SERPINA3: variants seen among roughly 807,000 people sequenced by gnomAD.
The protein encoded by SERPINA3 is serpin family A member 3.
A neutral mutation model predicts 26.8 loss-of-function variants in SERPINA3; 32 were observed. That is an observed-to-expected ratio of 1.20 (90% CI 0.90 to 1.61). The LOEUF is 1.61. Ranked by LOEUF, SERPINA3 falls within the 40% of genes most tolerant of loss-of-function variation. The probability of loss-of-function intolerance (pLI) is 0.00; values close to 1 mark genes in which losing one functional copy is unlikely to be tolerated. For synonymous variants in SERPINA3, 252 were observed against 206.4 expected (o/e 1.22, Z -1.89); for missense variants, 632 against 517.9 (o/e 1.22, Z -2.14).
chr14:94,614,688 G>A lies in SERPINA3; in HGVS notation c.247G>A (p.Ala83Thr), dbSNP rs199923400. ...CTTCTCCCCACTGAGCATCTCCACC[G>A]CCTTGGCCTTCCTGTCTCTGGGGGC... is the stretch of plus-strand genomic sequence containing the variant. ...VIFSPLSIST[A>T]LAFLSLGAHN... is the part of the protein sequence containing the mutation. Residue 83 changes from alanine (A) to threonine (T), a missense_variant, in exon 2 of 5, where the codon GCC (alanine) becomes ACC (threonine). Transcript: ENST00000393078. 17 of 1,614,020 alleles carry A rather than the reference G, an allele frequency of 1.1e-5. No individual in the cohort carries two copies. The highest frequency in any genetic ancestry group is 3.3e-4 in the Middle Eastern group (2 of 6,062).
intron 2 of SERPINA3, 43 bp from the exon 3 acceptor site, chr14:94,619,152 C>A: frequency 1.2e-6 from 2 of 1,612,696 alleles, no homozygotes; most frequent in East Asian, 4.5e-5. Flanking sequence ...AGCAGGGCGA[C>A]CCTTGCACTC....
At position 94,623,555 on chromosome 14, in the gene SERPINA3, C is replaced by T. The variant is rs780570233; in HGVS notation, c.1069-56C>T. 55 of 1,521,602 alleles carry T rather than the reference C, an allele frequency of 3.6e-5. No individual in the cohort carries two copies. In the African/African-American group the frequency reaches 5.1e-4, roughly 14 times the overall value. The allele number at this position is 1,521,602 out of a possible 1,614,324, so 94.3% of individuals were successfully genotyped here. On this transcript the variant is annotated intron_variant, in intron 4 of 4. Transcript: ENST00000393078. The stretch of plus-strand genomic sequence containing the variant: ...ACCCCTTAGTGGCACACAGGCAGGT[C>T]GCTGAACTCCTGCGCATCTGTGTTT...
intron 2 of SERPINA3, among the ~76,000 whole-genome samples, chr14:94,616,095 C>A (rs554036842): frequency 6.6e-6 from 1 of 152,178 alleles, no homozygotes; most frequent in Admixed American, 6.5e-5. Context: ...CCACGCCTCA[C>A]GTGCCATTTG....
At chr14:94,620,117 C>T (rs1279391099) in intron 3 of SERPINA3, 2 of 354,552 alleles carry the variant, frequency 5.6e-6, no homozygotes, top group Non-Finnish European at 1.0e-5. Flanking sequence ...AAAACTGGAA[C>T]TCGTGTTAGT....
At position 94,623,644 on chromosome 14, in the gene SERPINA3, G is replaced by T; in HGVS notation, c.1102G>T (p.Glu368Ter). ...TAAGGCTGTGCTTGATGTATTTGAG[G>T]AGGGCACAGAAGCATCTGCTGCCAC... is the stretch of plus-strand genomic sequence containing the variant. ...VHKAVLDVFE[E>*]GTEASAATAV... The change falls in exon 5 of 5, where the codon GAG becomes TAG. Residue 368 changes from glutamate to a stop codon, truncating the protein, a stop_gained. Transcript: ENST00000393078. LOFTEE classifies it low-confidence loss of function (END_TRUNC). 6.2e-7 allele frequency: 1 copy of T among 1,614,144 alleles called. No homozygotes were observed.
rs769851864 is a variant in SERPINA3 at position 94,619,195 on chromosome 14, C to A, written c.644C>A (p.Ala215Asp). Residue 215 changes from alanine (A) to aspartate (D), a missense_variant and splice_region_variant, in exon 3 of 5, where the codon GCC becomes GAC. Ala to Asp is a moderately radical substitution (Grantham distance 126). Coordinates refer to ENST00000393078, the MANE Select transcript of SERPINA3 (RefSeq NM_001085.5). ...CTCCAACTGCTTGCTCCACCTTCAG[C>A]CAAATGGGAGATGCCCTTTGACCCC... ...MVLVNYIFFK[A>D]KWEMPFDPQD... 7.4e-6 allele frequency: 12 copies of A among 1,614,034 alleles called. No individual in the cohort carries two copies. The highest frequency in any genetic ancestry group is 5.3e-5 in the African/African-American group (4 of 74,920).
intron 2 of SERPINA3, chr14:94,615,407 G>C (rs2896288): frequency 4.1e-6 from 2 of 481,970 alleles, no homozygotes; most frequent in African/African-American, 2.0e-5. Context: ...TCCAGGGCGC[G>C]TAGGAGCTAG....
Position 94,619,427 on chromosome 14 carries a change from C to A in SERPINA3, c.876C>A (p.Leu292=), listed in dbSNP as rs375662885. 9 of 1,614,030 alleles carry A rather than the reference C, an allele frequency of 5.6e-6. No homozygotes were observed. In the African/African-American group the frequency reaches 1.2e-4, roughly 22 times the overall value. ...TGGAGGAAGTGGAAGCCATGCTGCT[C>A]CCAGAGACCCTGAAGCGGTGGAGAG... ...DKMEEVEAML[L]PETLKRWRDS... is the part of the protein sequence containing the mutation. Residue 292 remains leucine (L), a synonymous_variant, in exon 3 of 5, where the codon CTC becomes CTA. Coordinates refer to ENST00000393078, the MANE Select transcript of SERPINA3 (RefSeq NM_001085.5).
At chr14:94,617,555 C>G (rs543749998) in intron 2 of SERPINA3, 38 of 152,346 alleles carry the variant, frequency 2.5e-4, no homozygotes, top group Non-Finnish European at 2.2e-4. Flanking sequence ...GTTTAATTCT[C>G]GCAGCGGCTC....
At chr14:94,615,973 G>A (rs1885982591) in intron 2 of SERPINA3, among the ~76,000 whole-genome samples, 1 of 152,218 alleles carries the variant, frequency 6.6e-6, no homozygotes, top group African/African-American at 2.4e-5. Context: ...CTTGGAGGCA[G>A]AGTCCTGCTT....
At position 94,620,119 on chromosome 14, in the gene SERPINA3, C is replaced by T. The variant is rs116011473; in HGVS notation, c.917+651C>T. On this transcript the variant is annotated intron_variant, in intron 3 of 4. Coordinates refer to ENST00000393078, the MANE Select transcript of SERPINA3 (RefSeq NM_001085.5). ...TGAAAGGATCAGGAAAACTGGAACT[C>T]GTGTTAGTTTGTGATTTTAGATAGA... The T allele has an allele frequency of 9.8e-3, 3,475 of 355,950 alleles. 114 individuals are homozygous for T. Among genetic ancestry groups the T allele is most frequent in the African/African-American group, 0.066 (3,151 of 47,616 alleles). The allele number at this position is 355,950 out of a possible 1,614,324, so 22.0% of individuals were successfully genotyped here. A position where few individuals can be genotyped will look rare whatever the true frequency, so the allele number is the denominator to read the frequency against.
intron 1 of SERPINA3, among the ~76,000 whole-genome samples, chr14:94,613,017 C>T (rs1885842003): frequency 6.6e-6 from 1 of 152,178 alleles, no homozygotes; most frequent in Non-Finnish European, 1.5e-5. Context: ...AAAAGACAAG[C>T]CTTTGCCCCT....
intron 1 of SERPINA3, 188 bp from the exon 2 acceptor site, chr14:94,614,246 A>G: frequency 3.2e-6 from 2 of 617,486 alleles, no homozygotes; most frequent in Non-Finnish European, 5.7e-6. Flanking sequence ...TATGGTACCT[A>G]CCTCAAAGGG....
intron 1 of SERPINA3, chr14:94,613,221 T>C (rs903952017): frequency 4.0e-5 from 6 of 149,564 alleles, no homozygotes; most frequent in African/African-American, 1.5e-4. Context: ...TTCCCTTCCT[T>C]CCACTCTCTC....
intron 4 of SERPINA3, among the ~76,000 whole-genome samples, chr14:94,623,198 G>A (rs1485174892): frequency 6.6e-6 from 1 of 152,238 alleles, no homozygotes; most frequent in Non-Finnish European, 1.5e-5. Flanking sequence ...ATGCTGGCTT[G>A]GCTGAGGAGG....
Position 94,623,845 on chromosome 14 carries a change from A to G in SERPINA3, c.*31A>G. ...GCCATCAAGCAGTGGGGCTCTCAGT[A>G]AGGAACTTGGAATGCAAGCTGGATG... On this transcript the variant is annotated 3_prime_UTR_variant, in exon 5 of 5. Transcript: ENST00000393078. 6.3e-7 allele frequency: 1 copy of G among 1,599,852 alleles called. No individual in the cohort carries two copies. The highest frequency in any genetic ancestry group is 8.6e-7 in the Non-Finnish European group (1 of 1,168,030).
chr14:94,622,466 G>A lies in SERPINA3; in HGVS notation c.1043G>A (p.Gly348Glu). Residue 348 changes from glycine to glutamate, a missense_variant, in exon 4 of 5, where the codon GGG (glycine) becomes GAG (glutamate). Transcript: ENST00000393078. ...TSKADLSGIT[G>E]ARNLAVSQVV... ...AAGGCTGACCTGTCAGGGATCACAG[G>A]GGCCAGGAACCTAGCAGTCTCCCAG... The A allele has an allele frequency of 6.2e-7, 1 of 1,614,178 alleles. No homozygotes were observed. The highest frequency in any genetic ancestry group is 8.5e-7 in the Non-Finnish European group (1 of 1,180,026).
chr14:94,619,710 G>C (rs1051380266), intron 3 of SERPINA3: 7 of 569,382 alleles, frequency 1.2e-5, no homozygotes, highest in Non-Finnish European at 2.2e-5. Flanking sequence ...TAAGTCATGA[G>C]AAATCTTCTG....
intron 1 of SERPINA3, 120 bp from the exon 2 acceptor site, chr14:94,614,314 G>A (rs1885894055): frequency 1.0e-6 from 1 of 967,760 alleles, no homozygotes; most frequent in Non-Finnish European, 1.6e-6. Context: ...CCTGAGGGAG[G>A]CTCCAAAGCT....
Sources: gnomAD v4.1 joint callset for allele counts (sites outside exome capture counted in the v4.1 genomes callset) on GRCh38, gnomAD v4.1.1 for gene constraint, MANE v1.5 for transcripts, NCBI Gene and HGNC (gene_info 2026-07-23, HGNC 2026-07-21) for gene names.